The following CELA3B variants were observed in gnomAD, a reference collection of about 807,000 sequenced individuals.
The protein encoded by CELA3B is chymotrypsin-like elastase family member 3B.
Under a neutral mutation model 37.2 loss-of-function variants are expected in CELA3B, and 34 were observed. The ratio of observed to expected loss-of-function variants is 0.91; its 90% confidence interval spans 0.70 to 1.22. The LOEUF (loss-of-function observed/expected upper bound fraction) is 1.22. Among genes scored for constraint, CELA3B ranks in the 50% most tolerant of loss-of-function variants. CELA3B has a pLI of 0.00. For synonymous variants in CELA3B, 127 were observed against 143.5 expected, an observed-to-expected ratio of 0.89 and a Z score of 0.82; for missense variants, 340 against 363.1, an observed-to-expected ratio of 0.94 and a Z score of 0.52.
At chr1:21,978,828 T>C (rs567089169) in intron 2 of CELA3B, among the ~76,000 whole-genome samples, 2 of 151,910 alleles carry the variant, frequency 1.3e-5, no homozygotes, top group Admixed American at 6.6e-5. Flanking sequence ...TGAGGGATCT[T>C]GTAAGGCCAG....
At chr1:21,987,153 G>A (rs72662492) in intron 7 of CELA3B, 7,911 of 222,190 alleles carry the variant, frequency 0.036, 209 homozygotes, top group African/African-American at 0.049. Flanking sequence ...AAAAAAAAAA[G>A]AAAAAAAAAA....
chr1:21,979,433 T>A (rs1644791278), intron 2 of CELA3B, among the ~76,000 whole-genome samples: 1 of 135,842 alleles, frequency 7.4e-6, no homozygotes, highest in South Asian at 2.2e-4. Flanking sequence ...CATATTTCTT[T>A]TTTTCTTTTC....
chr1:21,985,477 C>T (rs71638813), intron 6 of CELA3B, among the ~76,000 whole-genome samples: 69,680 of 151,592 alleles, frequency 0.46, 19,223 homozygotes, highest in Middle Eastern at 0.69. Context: ...GAAGTCTCAC[C>T]ATGTTGCCCA....
intron 6 of CELA3B, among the ~76,000 whole-genome samples, chr1:21,985,696 C>T (rs1020149121): frequency 1.3e-5 from 2 of 151,694 alleles, no homozygotes; most frequent in African/African-American, 4.8e-5. Flanking sequence ...TCGAGACCAT[C>T]CTGGCTAACA....
chr1:21,992,944 G>A (rs1013812561), downstream of CELA3B, among the ~76,000 whole-genome samples: 5 of 148,610 alleles, frequency 3.4e-5, 1 homozygote, highest in African/African-American at 1.3e-4. Flanking sequence ...CTCCAGCCTG[G>A]GTGACAGATT....
intron 4 of CELA3B, 37 bp from the exon 5 acceptor site, chr1:21,983,657 G>A (rs1644818697): frequency 1.9e-6 from 3 of 1,605,838 alleles, no homozygotes; most frequent in Non-Finnish European, 2.6e-6. Context: ...TGGGCCGGCT[G>A]GAGGACCAGG....
At chr1:21,980,344 C>T (rs568745918) in intron 2 of CELA3B, among the ~76,000 whole-genome samples, 70 of 152,104 alleles carry the variant, frequency 4.6e-4, no homozygotes, top group African/African-American at 1.4e-3. Flanking sequence ...CCAGGCACGA[C>T]GGCAGGTGCC....
At chr1:21,983,639 G>C (rs988031996) in intron 4 of CELA3B, 55 bp from the exon 5 acceptor site, 6 of 1,597,938 alleles carry the variant, frequency 3.8e-6, no homozygotes, top group East Asian at 2.2e-5. Context: ...CGGCTGGAAG[G>C]TAGGACTTGG....
Position 21,978,708 on chromosome 1 carries a change from T to A in CELA3B, c.129+254T>A, listed in dbSNP as rs1191798688. Among the ~76,000 whole-genome samples the A allele has an allele frequency of 2.0e-5, 3 of 152,102 alleles. No homozygotes were observed. The South Asian group carries it at 6.2e-4, about 32-fold the overall frequency. On this transcript the variant is annotated intron_variant, in intron 2 of 7. Transcript: ENST00000337107. Reference sequence around the variant, plus strand: ...TGCTAAACTCAAGGAGTTGGCACACTGATGGTGGAATTTCAGGCACTGTGT... The same window carrying A: ...TGCTAAACTCAAGGAGTTGGCACACAGATGGTGGAATTTCAGGCACTGTGT...
chr1:21,984,117 G>A lies in CELA3B; in HGVS notation c.500-72G>A, dbSNP rs903424295. The A allele has an allele frequency of 1.2e-5, 18 of 1,542,116 alleles. No individual in the cohort carries two copies. The Admixed American group carries it at 1.5e-4, about 13-fold the overall frequency. ...CAGAGCAGAAGAACTGTGCGCCTTGGATGCCCCCTTCCTCTGGGGCTCCTA... is the reference window on the plus strand; with the variant it reads ...CAGAGCAGAAGAACTGTGCGCCTTGAATGCCCCCTTCCTCTGGGGCTCCTA... On this transcript the variant is annotated intron_variant, in intron 5 of 7. Transcript: ENST00000337107.
At chr1:21,991,469 G>A (rs934756297), downstream of CELA3B, among the ~76,000 whole-genome samples, 3 of 150,570 alleles carry the variant, frequency 2.0e-5, no homozygotes, top group African/African-American at 7.4e-5. Context: ...CCAAGCAGCT[G>A]GGACTACAGG....
chr1:21,983,090 C>T (rs1644814620), intron 4 of CELA3B, among the ~76,000 whole-genome samples: 2 of 152,224 alleles, frequency 1.3e-5, no homozygotes, highest in Non-Finnish European at 2.9e-5. Context: ...TGGCTCATGC[C>T]TGTAATCCCA....
At chr1:21,983,515 G>A (rs1248918811) in intron 4 of CELA3B, among the ~76,000 whole-genome samples, 179 bp from the exon 5 acceptor site, 1 of 150,686 alleles carries the variant, frequency 6.6e-6, no homozygotes, top group African/African-American at 2.4e-5. Context: ...CTCCAGCCTG[G>A]GCAACAGATG....
intron 4 of CELA3B, among the ~76,000 whole-genome samples, chr1:21,981,942 A>G (rs12759318): frequency 0.077 from 11,638 of 151,912 alleles, 485 homozygotes; most frequent in Non-Finnish European, 0.09. Context: ...AGCCAGGATG[A>G]TCTCGATCTC....
At chr1:21,982,442 A>ATT (rs1644811389) in intron 4 of CELA3B, among the ~76,000 whole-genome samples, 1 of 151,714 alleles carries the variant, frequency 6.6e-6, no homozygotes, top group African/African-American at 2.4e-5. Context: ...TAAAAATTAA[A>ATT]AAAAATTAGC....
chr1:21,992,027 G>T (rs1452671182), downstream of CELA3B, among the ~76,000 whole-genome samples: 8 of 151,108 alleles, frequency 5.3e-5, no homozygotes, highest in African/African-American at 2.0e-4. Flanking sequence ...GGCTGAGGCA[G>T]GAGAATTGCT....
intron 4 of CELA3B, 37 bp from the exon 5 acceptor site, chr1:21,983,657 G>T: frequency 6.2e-7 from 1 of 1,605,838 alleles, no homozygotes. Flanking sequence ...TGGGCCGGCT[G>T]GAGGACCAGG....
At chr1:21,996,101 T>C (rs1443688345) in intron 4 of CELA3B, among the ~76,000 whole-genome samples, 2 of 151,122 alleles carry the variant, frequency 1.3e-5, no homozygotes, top group Non-Finnish European at 2.9e-5. Context: ...TAGTTCCAGC[T>C]ACTGGGGAGG....
At chr1:21,988,230 A>G (rs1423057345) in intron 7 of CELA3B, among the ~76,000 whole-genome samples, 1 of 139,738 alleles carries the variant, frequency 7.2e-6, no homozygotes, top group Admixed American at 7.0e-5. Context: ...AAACAAACAA[A>G]CAAACAAAAA....
Sources: allele counts gnomAD v4.1 joint callset (sites outside exome capture counted in the v4.1 genomes callset), GRCh38; gene constraint gnomAD v4.1.1; transcripts MANE v1.5; gene names NCBI Gene and HGNC (gene_info 2026-07-23, HGNC 2026-07-21).